ROBO1: variants seen among roughly 807,000 people sequenced by gnomAD.
ROBO1 encodes the protein roundabout guidance receptor 1.
A neutral mutation model predicts 195.9 loss-of-function variants in ROBO1; 149 were observed. The ratio of observed to expected loss-of-function variants is 0.76; its 90% confidence interval spans 0.67 to 0.87. The LOEUF is 0.87. Among genes scored for constraint, ROBO1 ranks in the 40% least tolerant of loss-of-function variants. The pLI, the probability that ROBO1 is intolerant of heterozygous loss-of-function variation, is 0.00. For synonymous variants in ROBO1, 816 were observed against 733.2 expected, an observed-to-expected ratio of 1.11 and a Z score of -1.82; for missense variants, 1,933 against 2,068.3, an observed-to-expected ratio of 0.93 and a Z score of 1.27.
intron 4 of ROBO1, among the ~76,000 whole-genome samples, chr3:78,936,466 G>A (rs1017108098): frequency 4.0e-5 from 6 of 151,872 alleles, no homozygotes; most frequent in Non-Finnish European, 4.4e-5. Flanking sequence ...ACATGCAGTT[G>A]GTCCTCTATA....
chr3:79,538,299 C>A (rs1941947864), intron 2 of ROBO1, among the ~76,000 whole-genome samples: 1 of 152,008 alleles, frequency 6.6e-6, no homozygotes, highest in Non-Finnish European at 1.5e-5. Context: ...AGTTCATTTT[C>A]CAAGAGATAC....
At chr3:78,944,628 C>T (rs779728999) in intron 3 of ROBO1, among the ~76,000 whole-genome samples, 3 of 152,252 alleles carry the variant, frequency 2.0e-5, no homozygotes, top group African/African-American at 4.8e-5. Flanking sequence ...AACTGAGGTA[C>T]CGGGTTCATC....
intron 2 of ROBO1, among the ~76,000 whole-genome samples, chr3:79,268,546 G>C (rs1037424096): frequency 6.6e-6 from 1 of 151,496 alleles, no homozygotes; most frequent in Non-Finnish European, 1.5e-5. Context: ...ACACCATGTT[G>C]GTTTCAAATT....
intron 2 of ROBO1, among the ~76,000 whole-genome samples, chr3:79,173,117 C>A (rs894905817): frequency 3.9e-5 from 6 of 152,046 alleles, no homozygotes; most frequent in African/African-American, 1.4e-4. Flanking sequence ...AAATACCAGT[C>A]CACATCAATG....
chr3:79,233,240 G>T (rs967041612), intron 2 of ROBO1, among the ~76,000 whole-genome samples: 4 of 152,056 alleles, frequency 2.6e-5, no homozygotes, highest in African/African-American at 9.7e-5. Flanking sequence ...GCTGAAATAT[G>T]AAGTTTATAA....
intron 2 of ROBO1, among the ~76,000 whole-genome samples, chr3:79,402,264 C>T (rs561942743): frequency 1.6e-4 from 25 of 151,936 alleles, no homozygotes; most frequent in Middle Eastern, 3.4e-3. Context: ...ATTCCCTAAT[C>T]TTTTATCAAC....
At position 79,353,182 on chromosome 3, in the gene ROBO1, A is replaced by G. The variant is rs139953870; in HGVS notation, c.89-227643T>C. Among the ~76,000 whole-genome samples, 55 of 152,258 alleles carry G rather than the reference A, an allele frequency of 3.6e-4. 1 individual carries two copies. In the East Asian group the frequency reaches 6.6e-3, roughly 18 times the overall value. On this transcript the variant is annotated intron_variant, in intron 2 of 30. Transcript: ENST00000464233. The stretch of plus-strand genomic sequence containing the variant: ...GACTGCAGTATTCATTCATTTATTC[A>G]ATCTCAAAATGTTTAGTTAGTGACT...
intron 3 of ROBO1, among the ~76,000 whole-genome samples, chr3:78,972,367 CA>C (rs1002453189): frequency 1.3e-5 from 2 of 152,126 alleles, no homozygotes; most frequent in Non-Finnish European, 2.9e-5. Flanking sequence ...ATACCTTTCA[CA>C]AACATGAAAA....
intron 4 of ROBO1, among the ~76,000 whole-genome samples, chr3:78,848,627 G>A (rs903002493): frequency 2.0e-5 from 3 of 152,154 alleles, no homozygotes; most frequent in South Asian, 2.1e-4. Flanking sequence ...TGCAAGTCTA[G>A]AGAGAAGTGA....
chr3:79,679,422 T>C (rs1290059108), intron 1 of ROBO1, among the ~76,000 whole-genome samples: 2 of 152,060 alleles, frequency 1.3e-5, no homozygotes, highest in Non-Finnish European at 2.9e-5. Context: ...TACTTGGTGG[T>C]AATGACTATC....
rs186024220 is a variant in ROBO1, at chr3:79,573,179, G to T, written c.88+16645C>A. ...TCCTCCTGCCTCGTCTTCCCGAGTG[G>T]CTGGGACTACAGGCATGTGTCACCA... On this transcript the variant is annotated intron_variant, in intron 2 of 30. Coordinates refer to ENST00000464233, the MANE Select transcript of ROBO1 (RefSeq NM_002941.4). Among the ~76,000 whole-genome samples, 205 of 152,218 alleles carry T rather than the reference G, an allele frequency of 1.3e-3. 1 individual carries two copies. Among genetic ancestry groups the T allele is most frequent in the African/African-American group, 4.6e-3 (192 of 41,520 alleles).
chr3:78,931,265 A>G (rs1229902828), intron 4 of ROBO1, among the ~76,000 whole-genome samples: 1 of 83,748 alleles, frequency 1.2e-5, no homozygotes, highest in African/African-American at 4.9e-5. Context: ...TTTTTGAGAC[A>G]GTTTCACTCT....
chr3:79,394,225 G>A (rs1191797860), intron 2 of ROBO1, among the ~76,000 whole-genome samples: 2 of 152,056 alleles, frequency 1.3e-5, no homozygotes, highest in Admixed American at 1.3e-4. Context: ...GTGAGGAGAA[G>A]CTAAGGATGT....
intron 2 of ROBO1, among the ~76,000 whole-genome samples, chr3:79,362,678 C>G (rs971251058): frequency 6.6e-6 from 1 of 152,130 alleles, no homozygotes; most frequent in Non-Finnish European, 1.5e-5. Context: ...CTGTTTGACC[C>G]AGCTGAAATT....
chr3:79,397,891 T>C (rs370487587), intron 2 of ROBO1, among the ~76,000 whole-genome samples: 5 of 152,120 alleles, frequency 3.3e-5, no homozygotes, highest in African/African-American at 1.2e-4. Flanking sequence ...ACTGAAAAAC[T>C]AAAAACATTA....
chr3:78,671,671 C>A (rs1708073344), intron 10 of ROBO1, among the ~76,000 whole-genome samples: 1 of 151,906 alleles, frequency 6.6e-6, no homozygotes, highest in Non-Finnish European at 1.5e-5. Context: ...CTCTACTCTT[C>A]CAATTCTCTT....
chr3:79,330,273 G>GTATATATATATATA (rs34794861), intron 2 of ROBO1, among the ~76,000 whole-genome samples: 144 of 137,848 alleles, frequency 1.0e-3, no homozygotes, highest in Non-Finnish European at 1.5e-3. Context: ...GTATATATAT[G>GTATATATATATATA]TATATATATA....
chr3:78,914,446 C>CCTAAGAA (rs2038434799), intron 4 of ROBO1, among the ~76,000 whole-genome samples: 1 of 151,822 alleles, frequency 6.6e-6, no homozygotes. Flanking sequence ...TTATAATGCC[C>CCTAAGAA]CTAAGAACTA....
chr3:79,128,349 T>C lies in ROBO1; in HGVS notation c.89-2810A>G, dbSNP rs1173228906. Among the ~76,000 whole-genome samples the C allele has an allele frequency of 7.2e-5, 11 of 152,170 alleles. No individual in the cohort carries two copies. In the East Asian group the frequency reaches 2.1e-3, roughly 29 times the overall value. ...TCTGTCACCCCCATTATAATCTAAA[T>C]TCCTGAGGATCAGGTATTCTGTCTG... On this transcript the variant is annotated intron_variant, in intron 2 of 30. Transcript: ENST00000464233.
Sources: allele counts gnomAD v4.1 joint callset (sites outside exome capture counted in the v4.1 genomes callset), GRCh38; gene constraint gnomAD v4.1.1; transcripts MANE v1.5; gene names NCBI Gene and HGNC (gene_info 2026-07-23, HGNC 2026-07-21).